Variants in IDE observed in about 807,000 individuals in gnomAD.
The protein encoded by IDE is insulin-degrading enzyme.
In IDE, 58 loss-of-function variants were observed where a neutral mutation model predicts 133.2. The ratio of observed to expected loss-of-function variants is 0.44; its 90% CI spans 0.35 to 0.54. The LOEUF is 0.54. IDE is among the 20% of genes least tolerant of loss of function. The pLI is 0.00. For synonymous variants in IDE, 396 were observed against 421.3 expected (o/e 0.94, Z 0.73); for missense variants, 981 against 1,234.0 (o/e 0.79, Z 3.07).
At position 92,475,895 on chromosome 10, in the gene IDE, T is replaced by C; in HGVS notation, c.1984A>G (p.Ile662Val). ...FEIDEKRFEI[I>V]KEAYMRSLNN... ...TTCAGAAAACTTACTGCTTCTTTGA[T>C]AATTTCAAATCTTTTTTCATCAATC... is the stretch of plus-strand genomic sequence containing the variant. The change falls in exon 16 of 25, where the codon ATC becomes GTC. Residue 662 changes from isoleucine to valine, a missense_variant. Coordinates refer to ENST00000265986, the MANE Select transcript of IDE (RefSeq NM_004969.4). 5 of 1,349,680 alleles carry C rather than the reference T, an allele frequency of 3.7e-6. No individual in the cohort carries two copies. The highest frequency in any genetic ancestry group is 5.2e-6 in the Non-Finnish European group (5 of 959,286). The allele number at this position is 1,349,680 out of a possible 1,614,324, so 83.6% of individuals were successfully genotyped here.
At chr10:92,466,208 GAC>G (rs1021650357) in intron 19 of IDE, among the ~76,000 whole-genome samples, 1 of 115,238 alleles carries the variant, frequency 8.7e-6, no homozygotes, top group African/African-American at 3.5e-5. Flanking sequence ...TCCAGACCAA[GAC>G]ACAGAGTGAG....
chr10:92,460,137 G>A (rs1006027359), intron 22 of IDE, among the ~76,000 whole-genome samples: 4 of 152,040 alleles, frequency 2.6e-5, no homozygotes, highest in East Asian at 3.9e-4. Flanking sequence ...ACGCCCAGCC[G>A]GTGTGAATCT....
At chr10:92,537,571 A>T in intron 1 of IDE, 21 bp from the exon 2 acceptor site, 1 of 1,533,232 alleles carries the variant, frequency 6.5e-7, no homozygotes, top group South Asian at 1.2e-5. Context: ...AGAGATTTTT[A>T]ATTGTTGATT....
chr10:92,560,643 C>G (rs1843234940), intron 1 of IDE, among the ~76,000 whole-genome samples: 1 of 152,006 alleles, frequency 6.6e-6, no homozygotes, highest in Non-Finnish European at 1.5e-5. Context: ...ATTAGCCAGG[C>G]ATGGTGGTGC....
chr10:92,563,481 G>A (rs373544504), intron 1 of IDE, among the ~76,000 whole-genome samples: 4 of 151,590 alleles, frequency 2.6e-5, no homozygotes, highest in Admixed American at 6.6e-5. Flanking sequence ...GGCTGGGCAT[G>A]GTGGCTCAAA....
At chr10:92,467,371 C>T (rs1845750094) in intron 19 of IDE, among the ~76,000 whole-genome samples, 1 of 152,192 alleles carries the variant, frequency 6.6e-6, no homozygotes, top group African/African-American at 2.4e-5. Flanking sequence ...CCACCCAGGC[C>T]TGAATATTTT....
At chr10:92,573,833 T>C in intron 1 of IDE, 89 bp downstream of exon 1, 2 of 920,178 alleles carry the variant, frequency 2.2e-6, no homozygotes, top group Non-Finnish European at 3.1e-6. Flanking sequence ...CGGTGGCGGC[T>C]TTAAGTGCTG....
At chr10:92,524,333 T>TA (rs1849406972) in intron 4 of IDE, among the ~76,000 whole-genome samples, 1 of 67,374 alleles carries the variant, frequency 1.5e-5, no homozygotes, top group African/African-American at 5.8e-5. Context: ...TATTATTATA[T>TA]ATATTATATT....
At chr10:92,517,536 T>C (rs907375550) in intron 4 of IDE, among the ~76,000 whole-genome samples, 35 of 152,078 alleles carry the variant, frequency 2.3e-4, no homozygotes, top group Admixed American at 2.2e-3. Context: ...GCCTCCAGAG[T>C]AGCTGGGACC....
At chr10:92,480,882 T>C in intron 14 of IDE, 1 of 935,042 alleles carries the variant, frequency 1.1e-6, no homozygotes, top group South Asian at 4.9e-5. Flanking sequence ...GTGTGAGCTA[T>C]CGCACCCAGC....
rs147503678 is a variant in IDE, at chr10:92,487,103, C to CTA, written c.1656+92_1656+93insTA. ...TATTAGGATGTGAGCCTCCCCAAAT[C>CTA]AACATAGTACCAAATGTAAGAAATC... On this transcript the variant is annotated intron_variant, in intron 13 of 24. Coordinates refer to ENST00000265986, the MANE Select transcript of IDE (RefSeq NM_004969.4). 70 of 1,249,442 alleles carry CTA rather than the reference C, an allele frequency of 5.6e-5. No individual in the cohort carries two copies. In the East Asian group the frequency reaches 1.7e-3, roughly 30 times the overall value. The allele number at this position is 1,249,442 out of a possible 1,614,324, so 77.4% of individuals were successfully genotyped here.
rs1334911780 is a variant in IDE, at chr10:92,452,725, C to G, written c.*1719G>C. Reference sequence around the variant, plus strand: ...GTAGGTGGATTTTTATTTACTAGTACAGTGGTGGATCGGAACACTCAGGCC... The same window carrying G: ...GTAGGTGGATTTTTATTTACTAGTAGAGTGGTGGATCGGAACACTCAGGCC... On this transcript the variant is annotated 3_prime_UTR_variant, in exon 25 of 25. Transcript: ENST00000265986. The G allele has an allele frequency of 6.6e-6, 1 of 152,168 alleles. No individual in the cohort carries two copies. Among genetic ancestry groups the G allele is most frequent in the Non-Finnish European group, 1.5e-5 (1 of 68,034 alleles). 9.4% of individuals were successfully genotyped at this position (152,168 alleles called of 1,614,324 possible).
intron 11 of IDE, among the ~76,000 whole-genome samples, chr10:92,491,874 G>A (rs911081061): frequency 2.0e-5 from 3 of 152,038 alleles, no homozygotes; most frequent in Non-Finnish European, 4.4e-5. Context: ...GCCTCCCAAA[G>A]TGCTGGGATT....
At chr10:92,566,107 G>C (rs1456399731) in intron 1 of IDE, among the ~76,000 whole-genome samples, 1 of 150,974 alleles carries the variant, frequency 6.6e-6, no homozygotes, top group Non-Finnish European at 1.5e-5. Flanking sequence ...TATAATCCCA[G>C]TACTTTGGGA....
chr10:92,456,285 GGCATGTA>G, intron 23 of IDE, 67 bp downstream of exon 23: 1 of 966,656 alleles, frequency 1.0e-6, no homozygotes, highest in African/African-American at 1.6e-5. Context: ...TGTTCTATAA[GGCATGTA>G]GCTATGACAA....
intron 19 of IDE, among the ~76,000 whole-genome samples, chr10:92,467,551 G>C (rs1289332264): frequency 6.6e-6 from 1 of 152,196 alleles, no homozygotes; most frequent in Non-Finnish European, 1.5e-5. Flanking sequence ...GGGTACTTAG[G>C]AGGCAAAAGA....
chr10:92,545,549 AATC>A (rs1471666615), intron 1 of IDE, among the ~76,000 whole-genome samples: 2 of 152,346 alleles, frequency 1.3e-5, no homozygotes, highest in Admixed American at 1.3e-4. Context: ...GTGAGCTGAT[AATC>A]ATCATTCATT....
chr10:92,529,088 C>CA (rs995569773), intron 4 of IDE, among the ~76,000 whole-genome samples: 15 of 151,868 alleles, frequency 9.9e-5, no homozygotes, highest in African/African-American at 3.4e-4. Context: ...AAAAACAAAA[C>CA]AAAAAAACAA....
chr10:92,499,359 G>T (rs1270898223), intron 11 of IDE, among the ~76,000 whole-genome samples: 1 of 151,844 alleles, frequency 6.6e-6, no homozygotes, highest in Non-Finnish European at 1.5e-5. Flanking sequence ...TGGCCAGGCT[G>T]GTCTTGAACT....
Sources: gnomAD v4.1 joint callset for allele counts (sites outside exome capture counted in the v4.1 genomes callset) on GRCh38, gnomAD v4.1.1 for gene constraint, MANE v1.5 for transcripts, NCBI Gene and HGNC (gene_info 2026-07-23, HGNC 2026-07-21) for gene names.